Variants in SNAP91 observed in about 807,000 individuals in gnomAD.
The protein encoded by SNAP91 is synaptosome associated protein 91.
Under a neutral mutation model 100.3 loss-of-function variants are expected in SNAP91, and 27 were observed. The ratio of observed to expected loss-of-function variants is 0.27; its 90% confidence interval spans 0.20 to 0.37. The LOEUF (loss-of-function observed/expected upper bound fraction) is 0.37, where lower values mean the gene tolerates loss of function less well. SNAP91 is among the 10% of genes least tolerant of loss of function. The probability of loss-of-function intolerance (pLI) is 1.00; values close to 1 mark genes in which losing one functional copy is unlikely to be tolerated. For missense variants in SNAP91, 986 were observed against 1,123.7 expected (o/e 0.88, Z 1.75); for synonymous variants, 404 against 398.6 (o/e 1.01, Z -0.16).
At chr6:83,653,980 A>G (rs1247510934) in intron 7 of SNAP91, among the ~76,000 whole-genome samples, 1 of 152,160 alleles carries the variant, frequency 6.6e-6, no homozygotes, top group Non-Finnish European at 1.5e-5. Flanking sequence ...TAAGGACAAG[A>G]GTGCTCTGGC....
At chr6:83,624,954 T>C (rs1222937122) in intron 8 of SNAP91, among the ~76,000 whole-genome samples, 1 of 152,100 alleles carries the variant, frequency 6.6e-6, no homozygotes, top group Non-Finnish European at 1.5e-5. Flanking sequence ...GTACATTGTA[T>C]GATGCTGAGG....
intron 2 of SNAP91, among the ~76,000 whole-genome samples, chr6:83,674,765 T>C (rs1161727315): frequency 6.6e-6 from 1 of 152,160 alleles, no homozygotes; most frequent in Admixed American, 6.6e-5. Context: ...AAAGGGGCTA[T>C]CTTTTTCCCA....
chr6:83,569,218 A>G (rs1265057788), intron 26 of SNAP91, among the ~76,000 whole-genome samples: 1 of 151,542 alleles, frequency 6.6e-6, no homozygotes, highest in Non-Finnish European at 1.5e-5. Context: ...GTAACTCTTT[A>G]TTGTAACAAA....
chr6:83,605,831 A>G, intron 13 of SNAP91, 28 bp from the exon 14 acceptor site: 1 of 1,503,466 alleles, frequency 6.7e-7, no homozygotes, highest in South Asian at 1.3e-5. Context: ...CATTAAAATC[A>G]GATTTTGAAA....
At chr6:83,692,994 T>G (rs2099150755) in intron 2 of SNAP91, among the ~76,000 whole-genome samples, 1 of 152,196 alleles carries the variant, frequency 6.6e-6, no homozygotes, top group Admixed American at 6.5e-5. Context: ...ATGCTGGGTT[T>G]TAAACTACTA....
At chr6:83,625,023 T>A (rs1417877714) in intron 8 of SNAP91, among the ~76,000 whole-genome samples, 7 of 152,026 alleles carry the variant, frequency 4.6e-5, no homozygotes, top group Non-Finnish European at 1.0e-4. Context: ...ACAGGAAGGT[T>A]TTCAGACCTT....
At chr6:83,663,922 C>T (rs2098618472) in intron 3 of SNAP91, among the ~76,000 whole-genome samples, 1 of 152,102 alleles carries the variant, frequency 6.6e-6, no homozygotes, top group Non-Finnish European at 1.5e-5. Context: ...CAGCTGATGA[C>T]ATGAAGTGAA....
At chr6:83,678,205 T>C (rs908470116) in intron 2 of SNAP91, among the ~76,000 whole-genome samples, 11 of 152,136 alleles carry the variant, frequency 7.2e-5, no homozygotes, top group African/African-American at 1.9e-4. Flanking sequence ...ACATTCAAAT[T>C]ATCTCCAAAA....
chr6:83,571,943 T>C (rs1808563892), intron 26 of SNAP91, among the ~76,000 whole-genome samples: 1 of 152,146 alleles, frequency 6.6e-6, no homozygotes, highest in African/African-American at 2.4e-5. Context: ...GATGGTTTAA[T>C]AAGGGGGAGT....
chr6:83,613,843 T>C (rs1023229307), intron 11 of SNAP91, among the ~76,000 whole-genome samples: 4 of 152,232 alleles, frequency 2.6e-5, no homozygotes, highest in African/African-American at 9.6e-5. Context: ...ACAATATTTG[T>C]TAAAAAGACC....
intron 5 of SNAP91, among the ~76,000 whole-genome samples, chr6:83,660,130 G>C (rs2098510492): frequency 6.6e-6 from 1 of 152,176 alleles, no homozygotes. Flanking sequence ...AAAGCAACCT[G>C]AAGTGTCCAT....
At chr6:83,576,077 GA>G in intron 24 of SNAP91, 24 bp from the exon 25 acceptor site, 1 of 1,214,766 alleles carries the variant, frequency 8.2e-7, no homozygotes, top group African/African-American at 1.6e-5. Context: ...AAAGAAAAAA[GA>G]ATGTAAATCT....
intron 8 of SNAP91, among the ~76,000 whole-genome samples, chr6:83,635,514 CTTTT>C (rs1315551869): frequency 1.3e-5 from 2 of 151,882 alleles, no homozygotes; most frequent in African/African-American, 4.8e-5. Flanking sequence ...AACCTCTGTC[CTTTT>C]TTGTTTTCTA....
intron 26 of SNAP91, among the ~76,000 whole-genome samples, chr6:83,573,554 C>A (rs1409451136): frequency 6.6e-6 from 1 of 152,122 alleles, no homozygotes; most frequent in African/African-American, 2.4e-5. Flanking sequence ...TCAAACTATA[C>A]TACAAGGCTA....
At position 83,553,219 on chromosome 6, in the gene SNAP91, T is replaced by C. The variant is rs1773541391; in HGVS notation, c.*1077A>G. The C allele has an allele frequency of 6.6e-6, 1 of 152,550 alleles. No homozygotes were observed. Among genetic ancestry groups the C allele is most frequent in the Non-Finnish European group, 1.5e-5 (1 of 68,008 alleles). 9.4% of individuals were successfully genotyped at this position (152,550 alleles called of 1,614,324 possible). On this transcript the variant is annotated 3_prime_UTR_variant, in exon 30 of 30. Transcript: ENST00000369694. ...TCAGCACAGACAGTATGACAACAAA[T>C]TAAAACTTAAAGAATACAGTATGTA... is the stretch of plus-strand genomic sequence containing the variant.
At chr6:83,565,997 C>G (rs1340692647) in intron 26 of SNAP91, among the ~76,000 whole-genome samples, 2 of 152,000 alleles carry the variant, frequency 1.3e-5, no homozygotes, top group African/African-American at 2.4e-5. Context: ...CATATGGAAA[C>G]TCATATATGA....
rs549326905 is a variant in SNAP91 at position 83,623,983 on chromosome 6, T to C, written c.766-641A>G. Among the ~76,000 whole-genome samples, 94 of 152,266 alleles carry C rather than the reference T, an allele frequency of 6.2e-4. 1 individual carries two copies. Among genetic ancestry groups the C allele is most frequent in the African/African-American group, 2.1e-3 (87 of 41,570 alleles). ...TAATAAACAGCTGCATAGAACTTCC[T>C]TGTCCTATATTTAATTAGTAACTTA... On this transcript the variant is annotated intron_variant, in intron 8 of 29. Transcript: ENST00000369694.
At chr6:83,614,745 G>A in intron 11 of SNAP91, 112 bp downstream of exon 11, 1 of 741,526 alleles carries the variant, frequency 1.3e-6, no homozygotes, top group Non-Finnish European at 2.1e-6. Context: ...ATGTGTAAAA[G>A]GGACAGAAAT....
intron 2 of SNAP91, among the ~76,000 whole-genome samples, chr6:83,680,935 A>G (rs1053317159): frequency 6.6e-6 from 1 of 152,138 alleles, no homozygotes; most frequent in African/African-American, 2.4e-5. Flanking sequence ...CTTGTGATCA[A>G]TACTTACCTA....
Sources: allele counts gnomAD v4.1 joint callset (sites outside exome capture counted in the v4.1 genomes callset), GRCh38; gene constraint gnomAD v4.1.1; transcripts MANE v1.5; gene names NCBI Gene and HGNC (gene_info 2026-07-23, HGNC 2026-07-21).